Variants in DPYSL5 observed in about 807,000 individuals in gnomAD.
The protein encoded by DPYSL5 is dihydropyrimidinase-related protein 5.
In DPYSL5, 9 loss-of-function variants were observed where a neutral mutation model predicts 58.4. That is an observed-to-expected ratio of 0.15 (90% CI 0.09 to 0.27). The LOEUF (loss-of-function observed/expected upper bound fraction) is 0.27, where lower values mean the gene tolerates loss of function less well. Among genes scored for constraint, DPYSL5 ranks in the 10% least tolerant of loss-of-function variants. The pLI is 1.00. For synonymous variants in DPYSL5, 293 were observed against 301.9 expected, an observed-to-expected ratio of 0.97 and a Z score of 0.31; for missense variants, 499 against 770.6, an observed-to-expected ratio of 0.65 and a Z score of 4.17.
At position 26,888,840 on chromosome 2, in the gene DPYSL5, G is replaced by A. The variant is rs148600978; in HGVS notation, c.-4-9656G>A. Among the ~76,000 whole-genome samples, 94 of 152,176 alleles carry A rather than the reference G, an allele frequency of 6.2e-4. No individual in the cohort carries two copies. In the South Asian group the frequency reaches 6.8e-3, roughly 11 times the overall value. ...TTTAGGCTGCTTTAACAAAACTACC[G>A]TAGACTGGGTGGTTTAAACAACAGA... is the stretch of plus-strand genomic sequence containing the variant. On this transcript the variant is annotated intron_variant, in intron 1 of 12. Transcript: ENST00000288699.
At chr2:26,851,883 G>A (rs1440384171) in intron 1 of DPYSL5, among the ~76,000 whole-genome samples, 1 of 152,112 alleles carries the variant, frequency 6.6e-6, no homozygotes, top group African/African-American at 2.4e-5. Flanking sequence ...GGAGGCCGAG[G>A]TTGCAGTGAG....
chr2:26,853,992 A>ATT (rs1256297884), intron 1 of DPYSL5, among the ~76,000 whole-genome samples: 1 of 152,100 alleles, frequency 6.6e-6, no homozygotes, highest in East Asian at 1.9e-4. Flanking sequence ...GTGAGCTGTG[A>ATT]TTACACCACT....
At chr2:26,868,061 T>TA (rs1396332476) in intron 1 of DPYSL5, among the ~76,000 whole-genome samples, 1 of 152,234 alleles carries the variant, frequency 6.6e-6, no homozygotes, top group African/African-American at 2.4e-5. Context: ...TGTAAAGTGA[T>TA]ACCTCATTGT....
At chr2:26,865,463 G>A (rs2148113034) in intron 1 of DPYSL5, among the ~76,000 whole-genome samples, 1 of 152,112 alleles carries the variant, frequency 6.6e-6, no homozygotes, top group East Asian at 1.9e-4. Context: ...TGGGATTACA[G>A]GCATGCACCA....
rs548847936 is a variant in DPYSL5 at position 26,894,157 on chromosome 2, C to T, written c.-4-4339C>T. On this transcript the variant is annotated intron_variant, in intron 1 of 12. Transcript: ENST00000288699. Reference sequence around the variant, plus strand: ...TATTTTGGATATTAACCAAAGTGTGCCCCCTGGATGGAAATTTTAAGCAAC... The same window carrying T: ...TATTTTGGATATTAACCAAAGTGTGTCCCCTGGATGGAAATTTTAAGCAAC... Among the ~76,000 whole-genome samples the T allele has an allele frequency of 1.3e-4, 19 of 151,486 alleles. No individual in the cohort carries two copies. In the East Asian group the frequency reaches 3.7e-3, roughly 29 times the overall value.
At chr2:26,921,086 G>A (rs573649028) in intron 2 of DPYSL5, among the ~76,000 whole-genome samples, 16 of 152,154 alleles carry the variant, frequency 1.1e-4, no homozygotes, top group Non-Finnish European at 2.2e-4. Context: ...CACCAACCAC[G>A]AGCAACACAC....
At chr2:26,929,018 A>G (rs1664903195) in intron 5 of DPYSL5, among the ~76,000 whole-genome samples, 1 of 152,024 alleles carries the variant, frequency 6.6e-6, no homozygotes, top group African/African-American at 2.4e-5. Context: ...CCCCCAGGTC[A>G]TGAACCGGTA....
At chr2:26,895,143 G>T (rs1329758647) in intron 1 of DPYSL5, among the ~76,000 whole-genome samples, 1 of 152,200 alleles carries the variant, frequency 6.6e-6, no homozygotes, top group Admixed American at 6.5e-5. Flanking sequence ...CTATAGCTAT[G>T]TAATATGTCT....
intron 1 of DPYSL5, among the ~76,000 whole-genome samples, chr2:26,858,322 C>T (rs1316252595): frequency 6.6e-6 from 1 of 151,942 alleles, no homozygotes; most frequent in East Asian, 1.9e-4. Context: ...CAGGCACGCG[C>T]CACCAAGCCC....
At chr2:26,906,967 A>G (rs1454539033) in intron 2 of DPYSL5, among the ~76,000 whole-genome samples, 4 of 151,788 alleles carry the variant, frequency 2.6e-5, no homozygotes, top group African/African-American at 9.7e-5. Context: ...GGATCTTGCT[A>G]TGTTGCCCAG....
rs1458773047 is a variant in DPYSL5, at chr2:26,924,282, T to G, written c.262-605T>G. On this transcript the variant is annotated intron_variant, in intron 2 of 12. Coordinates refer to ENST00000288699, the MANE Select transcript of DPYSL5 (RefSeq NM_020134.4). This position sits in a 1 kb window ranked among gnomAD's most constrained non-coding sequence, Gnocchi z 4.7. ...AAGATAGATGAAAATGAAGCCCCTA[T>G]GCTTAGAAAAACTGAAGACAAAGAC... Among the ~76,000 whole-genome samples, 2 of 152,214 alleles carry G rather than the reference T, an allele frequency of 1.3e-5. No individual in the cohort carries two copies. The highest frequency in any genetic ancestry group is 2.9e-5 in the Non-Finnish European group (2 of 68,036).
chr2:26,889,033 T>C (rs1663801922), intron 1 of DPYSL5, among the ~76,000 whole-genome samples: 1 of 152,036 alleles, frequency 6.6e-6, no homozygotes, highest in African/African-American at 2.4e-5. Flanking sequence ...AAGGACACTA[T>C]TCCCATTCAT....
intron 1 of DPYSL5, among the ~76,000 whole-genome samples, chr2:26,867,012 G>A (rs1352416506): frequency 6.6e-6 from 1 of 151,970 alleles, no homozygotes; most frequent in Non-Finnish European, 1.5e-5. Flanking sequence ...GGGATTACAG[G>A]TGTGAGCCAC....
chr2:26,851,870 C>A (rs1293012247), intron 1 of DPYSL5, among the ~76,000 whole-genome samples: 1 of 152,132 alleles, frequency 6.6e-6, no homozygotes, highest in Non-Finnish European at 1.5e-5. Context: ...TCACTTGAAC[C>A]TGGGAGGCCG....
intron 1 of DPYSL5, among the ~76,000 whole-genome samples, chr2:26,875,750 C>G (rs1663395608): frequency 6.6e-6 from 1 of 152,066 alleles, no homozygotes; most frequent in Non-Finnish European, 1.5e-5. Flanking sequence ...GGAGATCTGG[C>G]CAGCCTTTCA....
intron 12 of DPYSL5, among the ~76,000 whole-genome samples, chr2:26,945,616 G>A (rs1339187483): frequency 2.6e-5 from 4 of 151,870 alleles, no homozygotes; most frequent in Non-Finnish European, 5.9e-5. Flanking sequence ...AGGTGGCTTA[G>A]GTGGGAACTG....
At chr2:26,921,749 T>C (rs572723860) in intron 2 of DPYSL5, among the ~76,000 whole-genome samples, 14 of 152,148 alleles carry the variant, frequency 9.2e-5, no homozygotes, top group Admixed American at 3.9e-4. Context: ...TTCGAGGCCT[T>C]GGGGTAACAG....
chr2:26,931,532 G>A lies in DPYSL5; in HGVS notation c.670-108G>A, dbSNP rs542082136. The stretch of plus-strand genomic sequence containing the variant: ...AGTGCCTCTGCCCGGGCTTTGCCCC[G>A]AGCCAACCCCTATGGGTGCAGTTGC... On this transcript the variant is annotated intron_variant, in intron 5 of 12. Coordinates refer to ENST00000288699, the MANE Select transcript of DPYSL5 (RefSeq NM_020134.4). 78 of 1,404,252 alleles carry A rather than the reference G, an allele frequency of 5.6e-5. 1 individual carries two copies. Among genetic ancestry groups the A allele is most frequent in the African/African-American group, 1.3e-4 (9 of 70,900 alleles). 87.0% of individuals were successfully genotyped at this position (1,404,252 alleles called of 1,614,324 possible). A position where few individuals can be genotyped will look rare whatever the true frequency, so the allele number is the denominator to read the frequency against.
chr2:26,930,134 T>A (rs1459500128), intron 5 of DPYSL5, among the ~76,000 whole-genome samples: 1 of 152,130 alleles, frequency 6.6e-6, no homozygotes, highest in Non-Finnish European at 1.5e-5. Context: ...TTCAGAGCCC[T>A]TGAATATAGG....
Sources: gnomAD v4.1 joint callset for allele counts (sites outside exome capture counted in the v4.1 genomes callset) on GRCh38, gnomAD v4.1.1 for gene constraint, Gnocchi (gnomAD v3.1) non-coding constraint, MANE v1.5 for transcripts, NCBI Gene and HGNC (gene_info 2026-07-23, HGNC 2026-07-21) for gene names.